The following FGGY variants were observed in gnomAD, a reference collection of about 807,000 sequenced individuals.
FGGY encodes the protein FGGY carbohydrate kinase domain containing.
FGGY carries 72 observed loss-of-function variants against 71.3 expected under a neutral mutation model. The ratio of observed to expected loss-of-function variants is 1.01; its 90% confidence interval spans 0.84 to 1.23. The LOEUF (loss-of-function observed/expected upper bound fraction) is 1.23. Among genes scored for constraint, FGGY ranks in the 50% most tolerant of loss-of-function variants. The pLI, the probability that FGGY is intolerant of heterozygous loss-of-function variation, is 0.00. For synonymous variants in FGGY, 251 were observed against 250.3 expected, an observed-to-expected ratio of 1.00 and a Z score of -0.02; for missense variants, 668 against 682.3, an observed-to-expected ratio of 0.98 and a Z score of 0.23.
chr1:59,359,146 TA>T (rs140836366), intron 4 of FGGY, among the ~76,000 whole-genome samples: 3,054 of 152,328 alleles, frequency 0.02, 48 homozygotes, highest in East Asian at 0.052. Flanking sequence ...AGAGCTCTCT[TA>T]TTTTGCTGAT....
rs185843227 is a variant in FGGY, at chr1:59,334,895, C to A, written c.202-5063C>A. ...ATTAATCGATAAATCTATTATTCTA[C>A]AACTTTAAAAATTATACAAACAAGT... is the stretch of plus-strand genomic sequence containing the variant. On this transcript the variant is annotated intron_variant, in intron 2 of 15. Coordinates refer to ENST00000303721, the MANE Select transcript of FGGY (RefSeq NM_018291.5). Among the ~76,000 whole-genome samples the A allele has an allele frequency of 1.3e-3, 192 of 152,222 alleles. 1 individual carries two copies. The highest frequency in any genetic ancestry group is 4.3e-3 in the African/African-American group (180 of 41,564).
chr1:59,559,657 G>A (rs1426979873), intron 8 of FGGY, among the ~76,000 whole-genome samples: 2 of 152,106 alleles, frequency 1.3e-5, no homozygotes, highest in African/African-American at 4.8e-5. Context: ...TTTAGGATTG[G>A]AATAGGAAAT....
chr1:59,406,375 G>A (rs4379697), intron 5 of FGGY, among the ~76,000 whole-genome samples: 25,208 of 151,370 alleles, frequency 0.17, 2,646 homozygotes, highest in East Asian at 0.35. Context: ...TCTCATTTTT[G>A]TGCTTTTTGT....
Position 59,398,802 on chromosome 1 carries a change from G to A in FGGY, c.554+19965G>A, listed in dbSNP as rs536964663. 3.0e-4 allele frequency among the ~76,000 whole-genome samples: 46 copies of A among 152,216 alleles called. No individual in the cohort carries two copies. In the South Asian group the frequency reaches 6.6e-3, roughly 22 times the overall value. ...TTGTAAAATTCCTAATTGCAACTTG[G>A]TCATGTCTTTGCAAAATAGTAATAA... is the stretch of plus-strand genomic sequence containing the variant. On this transcript the variant is annotated intron_variant, in intron 5 of 15. Coordinates refer to ENST00000303721, the MANE Select transcript of FGGY (RefSeq NM_018291.5).
At position 59,406,949 on chromosome 1, in the gene FGGY, T is replaced by A. The variant is rs534208215; in HGVS notation, c.554+28112T>A. ...GGCCTTTGGGCTGTTTGCACTGAGA[T>A]CCATTTGTCACCCTTGCCCTGCTCT... On this transcript the variant is annotated intron_variant, in intron 5 of 15. Coordinates refer to ENST00000303721, the MANE Select transcript of FGGY (RefSeq NM_018291.5). 2.0e-4 allele frequency among the ~76,000 whole-genome samples: 31 copies of A among 152,326 alleles called. No individual in the cohort carries two copies. In the South Asian group the frequency reaches 6.4e-3, roughly 32 times the overall value.
chr1:59,463,307 A>C (rs1200056579), intron 6 of FGGY, among the ~76,000 whole-genome samples: 1 of 152,198 alleles, frequency 6.6e-6, no homozygotes, highest in Non-Finnish European at 1.5e-5. Context: ...ACACAAGCAA[A>C]TGCTGAGAGA....
intron 14 of FGGY, among the ~76,000 whole-genome samples, chr1:59,705,150 A>G (rs1352007155): frequency 6.6e-6 from 1 of 152,160 alleles, no homozygotes; most frequent in Non-Finnish European, 1.5e-5. Context: ...TATCTGCTCT[A>G]CATACCAATT....
At chr1:59,590,949 CAGG>C (rs1390755451) in intron 8 of FGGY, among the ~76,000 whole-genome samples, 1 of 152,098 alleles carries the variant, frequency 6.6e-6, no homozygotes, top group Non-Finnish European at 1.5e-5. Flanking sequence ...GGCAATTAGG[CAGG>C]AGAAGGAAAG....
At chr1:59,722,411 G>C (rs1171145619) in intron 14 of FGGY, among the ~76,000 whole-genome samples, 2 of 152,184 alleles carry the variant, frequency 1.3e-5, no homozygotes, top group Non-Finnish European at 2.9e-5. Flanking sequence ...CAAACTTAAG[G>C]AGTGAGTGAG....
At chr1:59,445,971 C>T (rs982976630) in intron 5 of FGGY, among the ~76,000 whole-genome samples, 3 of 152,194 alleles carry the variant, frequency 2.0e-5, no homozygotes, top group Non-Finnish European at 2.9e-5. Flanking sequence ...ACTTCTGAGC[C>T]TCAGTATTCT....
intron 11 of FGGY, among the ~76,000 whole-genome samples, chr1:59,659,682 G>A (rs183043496): frequency 1.1e-4 from 17 of 152,166 alleles, no homozygotes; most frequent in Admixed American, 8.5e-4. Context: ...ATAAACATCC[G>A]ATTCTGATTG....
Position 59,370,556 on chromosome 1 carries a change from C to T in FGGY, c.466-8193C>T, listed in dbSNP as rs1367618940. On this transcript the variant is annotated intron_variant, in intron 4 of 15. Coordinates refer to ENST00000303721, the MANE Select transcript of FGGY (RefSeq NM_018291.5). ...ATTCAGATTCAGGAAATACAGAGAACGCCACAAAGATACTCCTCGAGAAGA... is the reference window on the plus strand; with the variant it reads ...ATTCAGATTCAGGAAATACAGAGAATGCCACAAAGATACTCCTCGAGAAGA... 1.8e-3 allele frequency among the ~76,000 whole-genome samples: 271 copies of T among 151,738 alleles called. 1 individual carries two copies. Among genetic ancestry groups the T allele is most frequent in the Non-Finnish European group, 2.9e-3 (197 of 67,908 alleles).
chr1:59,466,446 C>G (rs982366165), intron 6 of FGGY, among the ~76,000 whole-genome samples: 1 of 152,126 alleles, frequency 6.6e-6, no homozygotes, highest in African/African-American at 2.4e-5. Context: ...TAGGCATGGG[C>G]AAGGACTTCA....
chr1:59,318,360 G>A (rs1448333598), intron 1 of FGGY, among the ~76,000 whole-genome samples: 1 of 152,180 alleles, frequency 6.6e-6, no homozygotes, highest in African/African-American at 2.4e-5. Flanking sequence ...AGCTCCTGCT[G>A]TATGCCAGGC....
Position 59,444,825 on chromosome 1 carries a change from G to T in FGGY, c.555-12136G>T, listed in dbSNP as rs530456764. Among the ~76,000 whole-genome samples the T allele has an allele frequency of 9.7e-4, 147 of 152,262 alleles. 1 individual carries two copies. The highest frequency in any genetic ancestry group is 3.5e-3 in the African/African-American group (144 of 41,556). ...CGCAACCCCCACCCATGGAAAAATT[G>T]TCATCCACAAAACTGGGTCCTGGTG... On this transcript the variant is annotated intron_variant, in intron 5 of 15. Coordinates refer to ENST00000303721, the MANE Select transcript of FGGY (RefSeq NM_018291.5).
chr1:59,708,622 A>C (rs965589640), intron 14 of FGGY, among the ~76,000 whole-genome samples: 1 of 152,202 alleles, frequency 6.6e-6, no homozygotes, highest in African/African-American at 2.4e-5. Context: ...AGGTGGGTAG[A>C]TATTATTATC....
chr1:59,317,020 A>C (rs1277632589), intron 1 of FGGY, among the ~76,000 whole-genome samples: 1 of 152,108 alleles, frequency 6.6e-6, no homozygotes, highest in Non-Finnish European at 1.5e-5. Flanking sequence ...CTCAAACCCC[A>C]GCCCCTGTGC....
At chr1:59,355,953 C>T (rs1248504868) in intron 4 of FGGY, among the ~76,000 whole-genome samples, 1 of 151,946 alleles carries the variant, frequency 6.6e-6, no homozygotes, top group Non-Finnish European at 1.5e-5. Context: ...AAATTAGTTT[C>T]CAATATTTAA....
chr1:59,744,953 A>G lies in FGGY; in HGVS notation c.1513-12978A>G, dbSNP rs189523384. 2.0e-3 allele frequency among the ~76,000 whole-genome samples: 312 copies of G among 152,302 alleles called. 3 individuals are homozygous for G. The highest frequency in any genetic ancestry group is 6.4e-3 in the African/African-American group (266 of 41,562). ...AACATGGAAGAGATTATAAACACAT[A>G]ATAAAGAGAGTTTAAAAGGGCACTA... On this transcript the variant is annotated intron_variant, in intron 14 of 15. Transcript: ENST00000303721.
Sources: gnomAD v4.1 joint callset for allele counts (sites outside exome capture counted in the v4.1 genomes callset) on GRCh38, gnomAD v4.1.1 for gene constraint, MANE v1.5 for transcripts, NCBI Gene and HGNC (gene_info 2026-07-23, HGNC 2026-07-21) for gene names.